The following PTPRN2 variants were observed in gnomAD, a reference collection of about 807,000 sequenced individuals.
The protein encoded by PTPRN2 is protein tyrosine phosphatase receptor type N2.
In PTPRN2, 74 loss-of-function variants were observed where a neutral mutation model predicts 118.8. That is an observed-to-expected ratio of 0.62 (90% confidence interval 0.52 to 0.76). The LOEUF is 0.76. Among genes scored for constraint, PTPRN2 ranks in the 30% least tolerant of loss-of-function variants. PTPRN2 has a pLI of 0.00. For missense variants in PTPRN2, 1,481 were observed against 1,394.4 expected, an observed-to-expected ratio of 1.06 and a Z score of -0.99; for synonymous variants, 641 against 608.0, an observed-to-expected ratio of 1.05 and a Z score of -0.80.
chr7:157,623,133 C>A (rs191510616), intron 14 of PTPRN2, among the ~76,000 whole-genome samples: 17 of 152,280 alleles, frequency 1.1e-4, no homozygotes, highest in Admixed American at 8.5e-4. Flanking sequence ...TTGAGACAAT[C>A]ATTATGGAAC....
intron 11 of PTPRN2, among the ~76,000 whole-genome samples, chr7:157,949,793 G>A (rs1385325750): frequency 6.6e-6 from 1 of 152,202 alleles, no homozygotes; most frequent in Non-Finnish European, 1.5e-5. Context: ...GAATGATTAA[G>A]CACTGTGACT....
chr7:158,442,976 G>A (rs57815067), intron 2 of PTPRN2, among the ~76,000 whole-genome samples: 11,856 of 150,394 alleles, frequency 0.079, 520 homozygotes, highest in Non-Finnish European at 0.1. Context: ...TAAATCTAGA[G>A]CATAGTCTTT....
chr7:158,144,323 G>A (rs1819678735), intron 6 of PTPRN2, among the ~76,000 whole-genome samples: 1 of 152,272 alleles, frequency 6.6e-6, no homozygotes, highest in East Asian at 1.9e-4. Flanking sequence ...GTTGCCAGCA[G>A]GAAAATGCCA....
chr7:157,658,832 G>T (rs1029284354), intron 13 of PTPRN2, among the ~76,000 whole-genome samples: 1 of 152,184 alleles, frequency 6.6e-6, no homozygotes, highest in East Asian at 1.9e-4. Flanking sequence ...GTGAGAAAAA[G>T]AAAGGCTCCG....
In PTPRN2 at chr7:157,615,745, G is replaced by A. The variant is rs1178003292; in HGVS notation, c.2344+5617C>T. The A allele has an allele frequency of 5.1e-6, 2 of 389,996 alleles. No homozygotes were observed. Among genetic ancestry groups the A allele is most frequent in the Non-Finnish European group, 1.0e-5 (2 of 190,610 alleles). 24.2% of individuals were successfully genotyped at this position (389,996 alleles called of 1,614,324 possible). A position where few individuals can be genotyped will look rare whatever the true frequency, so the allele number is the denominator to read the frequency against. On this transcript the variant is annotated intron_variant, in intron 15 of 22. Transcript: ENST00000389418. This position sits in a 1 kb window ranked among gnomAD's most constrained non-coding sequence, Gnocchi z 4.3. ...AGTGACTCAGGAACCACAAGCTCTG[G>A]AGGCTGAACGAGAATCGGTTACAGG...
chr7:157,916,672 C>T lies in PTPRN2; in HGVS notation c.1724-17935G>A, dbSNP rs143751535. 5.9e-5 allele frequency among the ~76,000 whole-genome samples: 9 copies of T among 152,326 alleles called. No individual in the cohort carries two copies. In the East Asian group the frequency reaches 1.5e-3, roughly 26 times the overall value. On this transcript the variant is annotated intron_variant, in intron 11 of 22. Coordinates refer to ENST00000389418, the MANE Select transcript of PTPRN2 (RefSeq NM_002847.5). ...GCTTCTGATGTCATAAGCGTGGCCTCGAGGAGATGCTTAGGAGCCCCCAGG... is the reference window on the plus strand; with the variant it reads ...GCTTCTGATGTCATAAGCGTGGCCTTGAGGAGATGCTTAGGAGCCCCCAGG...
intron 3 of PTPRN2, among the ~76,000 whole-genome samples, chr7:158,254,871 C>T (rs942501224): frequency 7.2e-5 from 11 of 152,248 alleles, no homozygotes; most frequent in African/African-American, 2.7e-4. Context: ...ACTTCTTAGA[C>T]ATGTCTACTT....
At chr7:157,653,154 C>A (rs1805784983) in intron 14 of PTPRN2, among the ~76,000 whole-genome samples, 1 of 152,244 alleles carries the variant, frequency 6.6e-6, no homozygotes, top group African/African-American at 2.4e-5. Flanking sequence ...TGGGGCTCCT[C>A]ACATCTAGCT....
At chr7:158,550,216 C>T (rs1003520720) in intron 1 of PTPRN2, among the ~76,000 whole-genome samples, 1 of 152,226 alleles carries the variant, frequency 6.6e-6, no homozygotes, top group Non-Finnish European at 1.5e-5. Context: ...GCCGGCTGAG[C>T]CCACGTCCCG....
rs1389151715 is a variant in PTPRN2 at position 158,529,650 on chromosome 7, C to T, written c.113-39865G>A. Among the ~76,000 whole-genome samples, 1 of 152,214 alleles carries T rather than the reference C, an allele frequency of 6.6e-6. No homozygotes were observed. The highest frequency in any genetic ancestry group is 1.5e-5 in the Non-Finnish European group (1 of 68,042). On this transcript the variant is annotated intron_variant, in intron 1 of 22. Transcript: ENST00000389418. This position sits in a 1 kb window ranked among gnomAD's most constrained non-coding sequence, Gnocchi z 4.7. ...CAGCGAAGATGCAGTGTGGGAATGACAGCAGCTTCCCTCTGCGGACACAGC... is the reference window on the plus strand; with the variant it reads ...CAGCGAAGATGCAGTGTGGGAATGATAGCAGCTTCCCTCTGCGGACACAGC...
chr7:157,903,647 CTT>C lies in PTPRN2; in HGVS notation c.1724-4912_1724-4911del, dbSNP rs34261156. ...ATTAGTGTTTGGTTTTTTCTTTTTC[CTT>C]TTTTTTTTTTATACTAAAAGGTTTT... On this transcript the variant is annotated intron_variant, in intron 11 of 22. Coordinates refer to ENST00000389418, the MANE Select transcript of PTPRN2 (RefSeq NM_002847.5). The surrounding 1 kb of genome is among the most constrained non-coding windows in gnomAD (Gnocchi z 4.2). 7.5e-5 allele frequency among the ~76,000 whole-genome samples: 11 copies of C among 146,408 alleles called. No individual in the cohort carries two copies. Among genetic ancestry groups the C allele is most frequent in the Non-Finnish European group, 1.5e-5 (1 of 66,550 alleles).
chr7:157,681,341 T>C (rs980968529), intron 13 of PTPRN2, among the ~76,000 whole-genome samples: 1 of 152,244 alleles, frequency 6.6e-6, no homozygotes, highest in African/African-American at 2.4e-5. Context: ...ATGGAATTTC[T>C]GGATAAATTC....
chr7:157,910,243 C>T (rs1585000588), intron 11 of PTPRN2, among the ~76,000 whole-genome samples: 1 of 148,956 alleles, frequency 6.7e-6, no homozygotes, highest in African/African-American at 2.5e-5. Flanking sequence ...CGCAGGATCA[C>T]GCACGTACAC....
At chr7:158,035,304 C>T (rs576401056) in intron 11 of PTPRN2, among the ~76,000 whole-genome samples, 14 of 152,354 alleles carry the variant, frequency 9.2e-5, no homozygotes, top group African/African-American at 3.1e-4. Flanking sequence ...AGCACAGACC[C>T]TGCTCCCAGT....
chr7:158,316,847 G>A lies in PTPRN2; in HGVS notation c.249C>T (p.Arg83=), dbSNP rs143408207. ...TGCCGGAAAGCTTCTGCAACGCCAC[G>A]CGCAGGCGCTGCAGGGCCACGGGCG... ...EVSPVALQRL[R]VALQKLSGTG... Residue 83 remains arginine (R), a synonymous_variant, in exon 3 of 23, where the codon CGC becomes CGT. Coordinates refer to ENST00000389418, the MANE Select transcript of PTPRN2 (RefSeq NM_002847.5). 409 of 1,608,914 alleles carry A rather than the reference G, an allele frequency of 2.5e-4. 1 individual carries two copies. The highest frequency in any genetic ancestry group is 3.1e-4 in the Non-Finnish European group (371 of 1,179,520).
chr7:158,162,864 T>C (rs1822488457), intron 6 of PTPRN2, among the ~76,000 whole-genome samples: 1 of 152,128 alleles, frequency 6.6e-6, no homozygotes, highest in Admixed American at 6.6e-5. Context: ...GTGGGTCTTC[T>C]CTCCCACTCT....
At chr7:157,580,843 C>T (rs1158499868) in intron 17 of PTPRN2, among the ~76,000 whole-genome samples, 2 of 119,566 alleles carry the variant, frequency 1.7e-5, no homozygotes, top group African/African-American at 6.5e-5. Flanking sequence ...CACCTGCACA[C>T]CCGAGCCCCT....
intron 12 of PTPRN2, among the ~76,000 whole-genome samples, chr7:157,745,736 G>C (rs567450878): frequency 3.3e-5 from 5 of 152,156 alleles, no homozygotes; most frequent in South Asian, 4.1e-4. Context: ...TCACCCAAGA[G>C]GAAGCTGATA....
At chr7:158,171,348 T>TGTATATAC (rs1823685155) in intron 5 of PTPRN2, among the ~76,000 whole-genome samples, 1 of 90,004 alleles carries the variant, frequency 1.1e-5, no homozygotes, top group Non-Finnish European at 2.1e-5. Context: ...TATATATATA[T>TGTATATAC]ACACACACAC....
Sources: gnomAD v4.1 joint callset for allele counts (sites outside exome capture counted in the v4.1 genomes callset) on GRCh38, gnomAD v4.1.1 for gene constraint, Gnocchi (gnomAD v3.1) non-coding constraint, MANE v1.5 for transcripts, NCBI Gene and HGNC (gene_info 2026-07-23, HGNC 2026-07-21) for gene names.